LRMDA: variants seen among roughly 807,000 people sequenced by gnomAD.
The protein encoded by LRMDA is leucine rich melanocyte differentiation associated.
A neutral mutation model predicts 29.8 loss-of-function variants in LRMDA; 18 were observed. The ratio of observed to expected loss-of-function variants is 0.60; its 90% CI spans 0.42 to 0.90. LRMDA has a LOEUF of 0.90. Ranked by LOEUF, LRMDA falls within the 40% of genes least tolerant of loss-of-function variation. The probability of loss-of-function intolerance (pLI) is 0.00; values close to 1 mark genes in which losing one functional copy is unlikely to be tolerated. For missense variants in LRMDA, 273 were observed against 273.9 expected, an observed-to-expected ratio of 1.00 and a Z score of 0.02; for synonymous variants, 125 against 109.4, an observed-to-expected ratio of 1.14 and a Z score of -0.89.
At chr10:75,750,920 C>T (rs948290300) in intron 2 of LRMDA, among the ~76,000 whole-genome samples, 86 of 152,280 alleles carry the variant, frequency 5.6e-4, no homozygotes, top group Middle Eastern at 3.4e-3. Flanking sequence ...GGGTGGCGGC[C>T]GGGCAGAGGC....
At chr10:75,994,893 A>G (rs1847433847) in intron 2 of LRMDA, among the ~76,000 whole-genome samples, 1 of 152,174 alleles carries the variant, frequency 6.6e-6, no homozygotes, top group Non-Finnish European at 1.5e-5. Flanking sequence ...CTGCCACTCA[A>G]CACTTCAAGG....
intron 5 of LRMDA, among the ~76,000 whole-genome samples, chr10:76,319,526 TG>T (rs931993084): frequency 2.0e-4 from 30 of 152,302 alleles, no homozygotes; most frequent in Admixed American, 5.9e-4. Flanking sequence ...AATCATAGTA[TG>T]TTTTTTTTTA....
intron 5 of LRMDA, among the ~76,000 whole-genome samples, chr10:76,281,431 G>T (rs1840202858): frequency 6.6e-6 from 1 of 152,118 alleles, no homozygotes. Context: ...TCTACTTCTG[G>T]GGTACATAAC....
At chr10:76,543,211 G>A (rs1429262880) in intron 6 of LRMDA, among the ~76,000 whole-genome samples, 3 of 152,106 alleles carry the variant, frequency 2.0e-5, no homozygotes, top group African/African-American at 4.8e-5. Flanking sequence ...CAGTCCAGTG[G>A]TGTCGGGAGA....
At chr10:75,452,475 C>T (rs549016540) in intron 2 of LRMDA, among the ~76,000 whole-genome samples, 1 of 151,768 alleles carries the variant, frequency 6.6e-6, no homozygotes, top group South Asian at 2.1e-4. Flanking sequence ...TGCTTCTTGC[C>T]ACAAGATAAG....
intron 5 of LRMDA, among the ~76,000 whole-genome samples, chr10:76,100,281 G>A (rs542079699): frequency 6.6e-6 from 1 of 152,182 alleles, no homozygotes; most frequent in African/African-American, 2.4e-5. Flanking sequence ...CAGACATATT[G>A]AAGGGTAAAG....
chr10:76,073,808 A>T (rs1848913591), intron 5 of LRMDA, among the ~76,000 whole-genome samples: 1 of 152,168 alleles, frequency 6.6e-6, no homozygotes, highest in Non-Finnish European at 1.5e-5. Flanking sequence ...AGTTTCCTAG[A>T]GTCTTATTGG....
intron 5 of LRMDA, among the ~76,000 whole-genome samples, chr10:76,288,558 A>C (rs1281325708): frequency 1.3e-5 from 2 of 152,350 alleles, no homozygotes; most frequent in East Asian, 3.9e-4. Flanking sequence ...GCTTCTTCAC[A>C]GCAAAAGAAA....
At chr10:75,619,631 G>T (rs1000611920) in intron 2 of LRMDA, among the ~76,000 whole-genome samples, 1 of 152,102 alleles carries the variant, frequency 6.6e-6, no homozygotes, top group Non-Finnish European at 1.5e-5. Context: ...TTCTCTGAAC[G>T]TTTCTTCAGC....
intron 2 of LRMDA, among the ~76,000 whole-genome samples, chr10:76,016,071 T>C (rs1157921635): frequency 6.6e-6 from 1 of 152,228 alleles, no homozygotes; most frequent in African/African-American, 2.4e-5. Context: ...ACTCCTTGAA[T>C]CTTGTATTGT....
chr10:75,516,212 A>G (rs1429552775), intron 2 of LRMDA, among the ~76,000 whole-genome samples: 1 of 152,210 alleles, frequency 6.6e-6, no homozygotes, highest in African/African-American at 2.4e-5. Flanking sequence ...TACTTTGGGT[A>G]TATACCCAGT....
At chr10:76,386,422 G>C (rs1285914683) in intron 6 of LRMDA, among the ~76,000 whole-genome samples, 1 of 152,162 alleles carries the variant, frequency 6.6e-6, no homozygotes, top group Non-Finnish European at 1.5e-5. Flanking sequence ...TTCTACATGG[G>C]GAAGTTTGTT....
At chr10:76,226,474 T>C (rs1296100503) in intron 5 of LRMDA, among the ~76,000 whole-genome samples, 1 of 151,964 alleles carries the variant, frequency 6.6e-6, no homozygotes, top group Non-Finnish European at 1.5e-5. Flanking sequence ...TCCCAGCTAC[T>C]TGGGAGGCTG....
At chr10:75,743,072 A>C (rs1047695099) in intron 2 of LRMDA, among the ~76,000 whole-genome samples, 5 of 151,992 alleles carry the variant, frequency 3.3e-5, no homozygotes, top group African/African-American at 9.7e-5. Context: ...AAAGATGGGG[A>C]AGATTATGGT....
At chr10:75,693,094 G>A (rs1467739682) in intron 2 of LRMDA, among the ~76,000 whole-genome samples, 2 of 152,148 alleles carry the variant, frequency 1.3e-5, no homozygotes, top group African/African-American at 4.8e-5. Flanking sequence ...GCTGAGTGGT[G>A]TGGAGGGACC....
intron 2 of LRMDA, among the ~76,000 whole-genome samples, chr10:75,854,471 G>A (rs911829398): frequency 4.6e-5 from 7 of 151,990 alleles, no homozygotes; most frequent in African/African-American, 1.7e-4. Context: ...ATACTGAAAA[G>A]GAATGTTTAT....
intron 2 of LRMDA, among the ~76,000 whole-genome samples, chr10:75,722,622 C>A (rs1842582018): frequency 2.0e-5 from 3 of 152,174 alleles, no homozygotes; most frequent in African/African-American, 7.2e-5. Flanking sequence ...AGCCACAAAT[C>A]TGACTCTGTA....
intron 6 of LRMDA, among the ~76,000 whole-genome samples, chr10:76,432,821 T>C (rs1842205753): frequency 6.6e-6 from 1 of 152,184 alleles, no homozygotes; most frequent in Non-Finnish European, 1.5e-5. Context: ...GTCTGCATAG[T>C]GGCTTCCACG....
intron 2 of LRMDA, among the ~76,000 whole-genome samples, chr10:76,033,845 G>A (rs547901591): frequency 7.2e-5 from 11 of 152,182 alleles, no homozygotes; most frequent in Admixed American, 2.6e-4. Context: ...AGAAGAGCCC[G>A]AAAGTCCCCT....
Sources: gnomAD v4.1 joint callset for allele counts (sites outside exome capture counted in the v4.1 genomes callset) on GRCh38, gnomAD v4.1.1 for gene constraint, MANE v1.5 for transcripts, NCBI Gene and HGNC (gene_info 2026-07-23, HGNC 2026-07-21) for gene names.